The following DUSP15 variants were observed in gnomAD, a reference collection of about 807,000 sequenced individuals.
DUSP15 encodes the protein dual specificity protein phosphatase 15.
DUSP15 carries 23 observed loss-of-function variants against 26.3 expected under a neutral mutation model. The ratio of observed to expected loss-of-function variants is 0.87; its 90% CI spans 0.63 to 1.24. The LOEUF (loss-of-function observed/expected upper bound fraction) is 1.24. Among genes scored for constraint, DUSP15 ranks in the 50% most tolerant of loss-of-function variants. DUSP15 has a pLI of 0.00. For synonymous variants in DUSP15, 143 were observed against 135.5 expected, an observed-to-expected ratio of 1.06 and a Z score of -0.39; for missense variants, 364 against 320.6, an observed-to-expected ratio of 1.14 and a Z score of -1.03.
Position 31,870,463 on chromosome 20 carries a change from G to T in DUSP15, c.-126C>A. ...GCGGGGAACGGGGGGCCTGGCGTCCGCGGCCCTGCCCAGCCCTGCCCAGCC... is the reference window on the plus strand; with the variant it reads ...GCGGGGAACGGGGGGCCTGGCGTCCTCGGCCCTGCCCAGCCCTGCCCAGCC... On this transcript the variant is annotated 5_prime_UTR_variant, in exon 1 of 7. Coordinates refer to ENST00000339738, the MANE Select transcript of DUSP15 (RefSeq NM_080611.5). The surrounding 1 kb of genome is among the most constrained non-coding windows in gnomAD (Gnocchi z 6.6). 7.8e-7 allele frequency: 1 copy of T among 1,285,374 alleles called. No homozygotes were observed. Among genetic ancestry groups the T allele is most frequent in the South Asian group, 2.6e-5 (1 of 38,500 alleles). The allele number at this position is 1,285,374 out of a possible 1,614,324, so 79.6% of individuals were successfully genotyped here. A position where few individuals can be genotyped will look rare whatever the true frequency, so the allele number is the denominator to read the frequency against.
At chr20:31,859,766 A>G (rs575212356), downstream of DUSP15, among the ~76,000 whole-genome samples, 1 of 152,190 alleles carries the variant, frequency 6.6e-6, no homozygotes, top group African/African-American at 2.4e-5. Flanking sequence ...GCTTTTAAAT[A>G]GGGGAAGACA....
At chr20:31,856,840 G>A (rs909269665), downstream of DUSP15, among the ~76,000 whole-genome samples, 4 of 152,024 alleles carry the variant, frequency 2.6e-5, no homozygotes, top group Non-Finnish European at 5.9e-5. Context: ...AGCCCCAGTA[G>A]AGGAGGGGAC....
At chr20:31,846,727 G>GC (rs1444178461), downstream of DUSP15, among the ~76,000 whole-genome samples, 3 of 152,202 alleles carry the variant, frequency 2.0e-5, no homozygotes, top group Admixed American at 6.5e-5. Context: ...CATCCCTGTC[G>GC]CCCCCTAGTG....
At chr20:31,869,655 A>C in intron 1 of DUSP15, 58 bp from the exon 2 acceptor site, 1 of 1,601,132 alleles carries the variant, frequency 6.2e-7, no homozygotes, top group South Asian at 1.1e-5. Context: ...TTCCACCCCC[A>C]GGGCAGCTGG....
intron 4 of DUSP15, chr20:31,864,480 C>A: frequency 9.5e-7 from 1 of 1,053,132 alleles, no homozygotes; most frequent in Non-Finnish European, 1.1e-6. Context: ...AGTTATACTC[C>A]AGGCCCTATC....
Position 31,861,635 on chromosome 20 carries a change from A to T in DUSP15, c.476T>A (p.Phe159Tyr). The change falls in exon 7 of 7, where the codon TTC (phenylalanine) becomes TAC (tyrosine). Residue 159 changes from phenylalanine (F) to tyrosine (Y), a missense_variant. Transcript: ENST00000339738. ...CGCGCGCAACTCCTCCTCGTCGCGG[A>T]AGGGGCTCTCGCCGAAGCGCTCCTC... The part of the protein sequence containing the change: ...QLEERFGESP[F>Y]RDEEELRALL... The T allele has an allele frequency of 7.1e-7, 1 of 1,405,794 alleles. No homozygotes were observed. The highest frequency in any genetic ancestry group is 9.3e-7 in the Non-Finnish European group (1 of 1,076,390). 87.1% of individuals were successfully genotyped at this position (1,405,794 alleles called of 1,614,324 possible).
intron 6 of DUSP15, among the ~76,000 whole-genome samples, chr20:31,851,263 G>C (rs1286229228): frequency 2.0e-5 from 3 of 152,074 alleles, no homozygotes; most frequent in Non-Finnish European, 4.4e-5. Context: ...ATGCGGGACA[G>C]AGCCAGATGC....
At chr20:31,853,752 C>T (rs545297401) in intron 6 of DUSP15, among the ~76,000 whole-genome samples, 1 of 151,900 alleles carries the variant, frequency 6.6e-6, no homozygotes, top group East Asian at 2.0e-4. Flanking sequence ...CGCACCCCAC[C>T]ATGTCTGGCT....
intron 2 of DUSP15, among the ~76,000 whole-genome samples, chr20:31,867,631 G>GTTTTGTT (rs2062797175): frequency 2.1e-4 from 16 of 77,648 alleles, no homozygotes; most frequent in African/African-American, 8.7e-4. Context: ...TGCCCACAAT[G>GTTTTGTT]TTTTTTTTTT....
At chr20:31,863,874 C>T (rs747829734) in intron 5 of DUSP15, 33 bp downstream of exon 5, 1 of 1,604,520 alleles carries the variant, frequency 6.2e-7, no homozygotes, top group East Asian at 2.2e-5. Context: ...CACTTCCTTC[C>T]TCCCCCACCT....
chr20:31,852,582 G>T (rs1034708869), intron 6 of DUSP15, among the ~76,000 whole-genome samples: 1 of 152,158 alleles, frequency 6.6e-6, no homozygotes, highest in African/African-American at 2.4e-5. Context: ...AGGCCAAGGT[G>T]GGTGCATCAC....
chr20:31,853,761 C>A (rs1370799683), intron 6 of DUSP15, among the ~76,000 whole-genome samples: 1 of 151,944 alleles, frequency 6.6e-6, no homozygotes, highest in Admixed American at 6.5e-5. Context: ...CCATGTCTGG[C>A]TAATAGTAAA....
upstream of DUSP15, chr20:31,870,583 G>A: frequency 1.4e-6 from 2 of 1,429,164 alleles, 1 homozygote; most frequent in Admixed American, 5.4e-5. The surrounding 1 kb of genome is among the most constrained non-coding windows in gnomAD (Gnocchi z 6.6). Context: ...TACCCCTTCG[G>A]TCATGTGGGG....
intron 6 of DUSP15, among the ~76,000 whole-genome samples, chr20:31,854,398 G>A (rs1600444681): frequency 1.3e-5 from 2 of 152,318 alleles, no homozygotes; most frequent in South Asian, 4.1e-4. Context: ...CATGTAAAAT[G>A]CTTAGATAAG....
intron 6 of DUSP15, among the ~76,000 whole-genome samples, chr20:31,852,665 G>T (rs1299814781): frequency 1.3e-4 from 20 of 152,270 alleles, no homozygotes; most frequent in Non-Finnish European, 1.5e-5. Context: ...AAAATAATTA[G>T]CTGGGCTTGG....
downstream of DUSP15, among the ~76,000 whole-genome samples, chr20:31,857,331 T>C (rs1349211324): frequency 6.6e-6 from 1 of 151,928 alleles, no homozygotes; most frequent in Non-Finnish European, 1.5e-5. Context: ...TTTTTTTTTT[T>C]CTTTTTATAG....
chr20:31,868,561 C>T (rs961638778), intron 2 of DUSP15, among the ~76,000 whole-genome samples: 2 of 150,724 alleles, frequency 1.3e-5, no homozygotes, highest in Admixed American at 1.3e-4. Flanking sequence ...CTGACTGCAA[C>T]CCCCGCCTCC....
At chr20:31,868,979 C>G (rs2062841280) in intron 2 of DUSP15, among the ~76,000 whole-genome samples, 1 of 152,214 alleles carries the variant, frequency 6.6e-6, no homozygotes, top group Admixed American at 6.5e-5. Flanking sequence ...CCCCAACTTC[C>G]AGCTCTAGGC....
chr20:31,846,777 TCC>T (rs889900719), downstream of DUSP15, among the ~76,000 whole-genome samples: 2 of 152,120 alleles, frequency 1.3e-5, no homozygotes, highest in Non-Finnish European at 2.9e-5. Context: ...AGAGACATTC[TCC>T]CTCCCAAGAG....
Sources: gnomAD v4.1 joint callset for allele counts (sites outside exome capture counted in the v4.1 genomes callset) on GRCh38, gnomAD v4.1.1 for gene constraint, Gnocchi (gnomAD v3.1) non-coding constraint, MANE v1.5 for transcripts, NCBI Gene and HGNC (gene_info 2026-07-23, HGNC 2026-07-21) for gene names.